Variants in MBP observed in about 807,000 individuals in gnomAD.
MBP encodes the protein Golli-MBP.
In MBP, 16 loss-of-function variants were observed where a neutral mutation model predicts 35.8. That is an observed-to-expected ratio of 0.45 (90% CI 0.30 to 0.68). The LOEUF (loss-of-function observed/expected upper bound fraction) is 0.68, where lower values mean the gene tolerates loss of function less well. MBP is among the 30% of genes least tolerant of loss of function. The pLI is 0.08. For synonymous variants in MBP, 143 were observed against 159.6 expected (o/e 0.90, Z 0.78); for missense variants, 380 against 404.7 (o/e 0.94, Z 0.52).
At chr18:77,036,901 CA>C (rs569168946) in intron 3 of MBP, among the ~76,000 whole-genome samples, 28 of 86,460 alleles carry the variant, frequency 3.2e-4, no homozygotes, top group African/African-American at 1.4e-3. Context: ...CTGAGCTGAG[CA>C]AGTGCTGGTC....
rs1568301269 is a variant in MBP, at chr18:77,028,752, A to ACC, written c.140-11485_140-11484insGG. On this transcript the variant is annotated intron_variant, in intron 3 of 8. Transcript: ENST00000355994. ...GGGCGGCTGGCCAGGCGGGGGGCTGATCCCCCCACCTCCCTCCCGGACGGG... is the reference window on the plus strand; with the variant it reads ...GGGCGGCTGGCCAGGCGGGGGGCTGACCTCCCCCCACCTCCCTCCCGGACGGG... Among the ~76,000 whole-genome samples, 15 of 86,352 alleles carry ACC rather than the reference A, an allele frequency of 1.7e-4. 2 individuals carry two copies. In the East Asian group the frequency reaches 3.8e-3, roughly 22 times the overall value. 56.7% of individuals were successfully genotyped at this position (86,352 alleles called of 152,430 possible).
At chr18:76,981,095 T>A (rs951738859) in intron 8 of MBP, 1 of 153,668 alleles carries the variant, frequency 6.5e-6, no homozygotes, top group African/African-American at 2.4e-5. Flanking sequence ...TAAAAGAGAG[T>A]TGGCAGCTAA....
At chr18:76,987,971 T>A (rs564996991) in intron 7 of MBP, 1 of 1,218,256 alleles carries the variant, frequency 8.2e-7, no homozygotes, top group South Asian at 1.8e-5. Flanking sequence ...TAATTATTAT[T>A]TAAACACATA....
rs1247102390 is a variant in MBP at position 76,980,479 on chromosome 18, G to A, written c.871-8C>T. The A allele has an allele frequency of 3.7e-6, 6 of 1,613,126 alleles. No individual in the cohort carries two copies. The highest frequency in any genetic ancestry group is 1.7e-4 in the Middle Eastern group (1 of 5,942). ...GCGACTATCTCTTCCTCCCTGAAAA[G>A]GAAGAGAGAGGAGTTAGGACGAGAG... On this transcript the variant is annotated splice_polypyrimidine_tract_variant and splice_region_variant and intron_variant, in intron 8 of 8. Coordinates refer to ENST00000355994, the MANE Select transcript of MBP (RefSeq NM_001025101.2).
intron 3 of MBP, among the ~76,000 whole-genome samples, chr18:77,047,868 G>T (rs470473): frequency 0.4 from 60,976 of 151,958 alleles, 14,497 homozygotes; most frequent in East Asian, 0.67. Context: ...CAGTGAATAA[G>T]GTATGTATTA....
At chr18:77,045,791 T>C (rs1440433151) in intron 3 of MBP, among the ~76,000 whole-genome samples, 8 of 152,240 alleles carry the variant, frequency 5.3e-5, no homozygotes, top group Non-Finnish European at 2.9e-5. Context: ...TACTTAAATC[T>C]TAGCATGTAG....
At chr18:77,008,736 CTCA>C (rs1198349258) in intron 4 of MBP, among the ~76,000 whole-genome samples, 1 of 152,252 alleles carries the variant, frequency 6.6e-6, no homozygotes, top group Non-Finnish European at 1.5e-5. Context: ...CAGGCACATC[CTCA>C]TTCCTCATAA....
At chr18:77,015,689 G>A (rs1971586575) in intron 4 of MBP, 1 of 985,444 alleles carries the variant, frequency 1.0e-6, no homozygotes, top group Non-Finnish European at 1.2e-6. Flanking sequence ...CACAGGAAAG[G>A]TAAAACTGAC....
At chr18:77,095,533 G>A (rs1360313970) in intron 2 of MBP, 1 of 152,280 alleles carries the variant, frequency 6.6e-6, no homozygotes, top group Non-Finnish European at 1.5e-5. Context: ...GACTTTCTGA[G>A]TGATCTGGCT....
intron 3 of MBP, among the ~76,000 whole-genome samples, chr18:77,030,505 A>T (rs1430050129): frequency 6.6e-6 from 1 of 152,152 alleles, no homozygotes; most frequent in African/African-American, 2.4e-5. Flanking sequence ...ACATGGAACA[A>T]TTTTCTCTGA....
chr18:77,011,406 T>C (rs1183068514), intron 4 of MBP, among the ~76,000 whole-genome samples: 1 of 152,168 alleles, frequency 6.6e-6, no homozygotes, highest in Non-Finnish European at 1.5e-5. Context: ...TTTCCCTCCA[T>C]CTCCTACAAT....
At position 76,993,174 on chromosome 18, in the gene MBP, A is replaced by G. The variant is rs563925453; in HGVS notation, c.577-3114T>C. On this transcript the variant is annotated intron_variant, in intron 4 of 8. Transcript: ENST00000355994. The stretch of plus-strand genomic sequence containing the variant: ...CCCAACTAAATGCCAGGGGCCAGGC[A>G]TGGTCCACGTTCTGAAAATACCACA... Among the ~76,000 whole-genome samples, 3 of 152,208 alleles carry G rather than the reference A, an allele frequency of 2.0e-5. No individual in the cohort carries two copies. The South Asian group carries it at 6.2e-4, about 31-fold the overall frequency.
At chr18:77,086,588 T>G (rs1329034324) in intron 2 of MBP, among the ~76,000 whole-genome samples, 1 of 152,212 alleles carries the variant, frequency 6.6e-6, no homozygotes, top group South Asian at 2.1e-4. Context: ...TATCCAGGAA[T>G]AATGCAGATT....
rs1206754432 is a variant in MBP, at chr18:77,102,988, G to A, written c.51+2223C>T. Among the ~76,000 whole-genome samples the A allele has an allele frequency of 2.2e-5, 3 of 134,410 alleles. No individual in the cohort carries two copies. The highest frequency in any genetic ancestry group is 4.9e-5 in the African/African-American group (2 of 40,678). The allele number at this position is 134,410 out of a possible 152,430, so 88.2% of individuals were successfully genotyped here. On this transcript the variant is annotated intron_variant, in intron 2 of 8. Transcript: ENST00000355994. This position sits in a 1 kb window ranked among gnomAD's most constrained non-coding sequence, Gnocchi z 4.4. ...TTAAGTATGGGCTGAACAAAATAAT[G>A]AGTCACCCTCCCATTCAACATTGAC... is the stretch of plus-strand genomic sequence containing the variant.
Position 77,121,309 on chromosome 18 carries a change from CAA to C in MBP, c.-26+11269_-26+11270del, listed in dbSNP as rs11331748. On this transcript the variant is annotated intron_variant, in intron 1 of 8. Coordinates refer to ENST00000355994, the MANE Select transcript of MBP (RefSeq NM_001025101.2). ...TGGGCAACAGAGGGAGACTGTGTCT[CAA>C]AAAAAAAAAAATAAATAAATAAGAT... Among the ~76,000 whole-genome samples, 371 of 143,704 alleles carry C rather than the reference CAA, an allele frequency of 2.6e-3. 2 individuals carry two copies. Among genetic ancestry groups the C allele is most frequent in the East Asian group, 0.023 (114 of 4,942 alleles). 94.3% of individuals were successfully genotyped at this position (143,704 alleles called of 152,430 possible).
In MBP at chr18:76,979,879, C is replaced by T. The variant is rs959338610; in HGVS notation, c.*548G>A. The T allele has an allele frequency of 1.4e-6, 1 of 689,768 alleles. No homozygotes were observed. The highest frequency in any genetic ancestry group is 2.1e-5 in the Admixed American group (1 of 47,672). The allele number at this position is 689,768 out of a possible 1,614,324, so 42.7% of individuals were successfully genotyped here. On this transcript the variant is annotated 3_prime_UTR_variant, in exon 9 of 9. Coordinates refer to ENST00000355994, the MANE Select transcript of MBP (RefSeq NM_001025101.2). Reference sequence around the variant, plus strand: ...GCCCGCATGTCACATACCAAAAGCTCCCACATGTAGTAAGCCACTCCTTGA... The same window carrying T: ...GCCCGCATGTCACATACCAAAAGCTTCCACATGTAGTAAGCCACTCCTTGA...
chr18:76,998,948 G>A (rs1051759528), intron 4 of MBP, among the ~76,000 whole-genome samples: 33 of 151,598 alleles, frequency 2.2e-4, no homozygotes, highest in African/African-American at 7.8e-4. Context: ...AGGTGTCAGC[G>A]GATTTTAAGA....
At chr18:76,990,419 C>T (rs1969830835) in intron 4 of MBP, among the ~76,000 whole-genome samples, 1 of 152,072 alleles carries the variant, frequency 6.6e-6, no homozygotes, top group African/African-American at 2.4e-5. Context: ...TCTTGCTAAA[C>T]TGGCCTAATA....
chr18:77,064,856 T>A (rs1467495039), intron 3 of MBP, among the ~76,000 whole-genome samples: 2 of 152,234 alleles, frequency 1.3e-5, no homozygotes, highest in Non-Finnish European at 2.9e-5. Context: ...CACTCCTTTT[T>A]CCTTCGACCT....
Sources: gnomAD v4.1 joint callset for allele counts (sites outside exome capture counted in the v4.1 genomes callset) on GRCh38, gnomAD v4.1.1 for gene constraint, Gnocchi (gnomAD v3.1) non-coding constraint, MANE v1.5 for transcripts, NCBI Gene and HGNC (gene_info 2026-07-23, HGNC 2026-07-21) for gene names.